EXOC6B: variants seen among roughly 807,000 people sequenced by gnomAD.
EXOC6B encodes SEC15 homolog B.
In EXOC6B, 54 loss-of-function variants were observed where a neutral mutation model predicts 113.5. The observed-to-expected ratio is 0.48, with a 90% CI of 0.38 to 0.60. The LOEUF is 0.60. Ranked by LOEUF, EXOC6B falls within the 20% of genes least tolerant of loss-of-function variation. The pLI, the probability that EXOC6B is intolerant of heterozygous loss-of-function variation, is 0.00. For synonymous variants in EXOC6B, 357 were observed against 339.0 expected, an observed-to-expected ratio of 1.05 and a Z score of -0.58; for missense variants, 797 against 977.5, an observed-to-expected ratio of 0.82 and a Z score of 2.46.
chr2:72,398,715 T>C (rs866569414), intron 18 of EXOC6B, among the ~76,000 whole-genome samples: 1 of 123,154 alleles, frequency 8.1e-6, no homozygotes, highest in African/African-American at 4.2e-5. Flanking sequence ...AAAAAAAAAC[T>C]GTCTCTCTGT....
chr2:72,559,564 T>A, intron 7 of EXOC6B, 43 bp from the exon 8 acceptor site: 1 of 1,538,398 alleles, frequency 6.5e-7, no homozygotes, highest in Non-Finnish European at 8.9e-7. Flanking sequence ...AACAAAGCTA[T>A]TAAAAGCAAC....
At chr2:72,750,434 T>C (rs1202623728) in intron 1 of EXOC6B, among the ~76,000 whole-genome samples, 2 of 152,134 alleles carry the variant, frequency 1.3e-5, no homozygotes, top group African/African-American at 2.4e-5. Flanking sequence ...TCTGACCTAA[T>C]GCTTCTATTT....
At chr2:72,736,715 AC>A (rs1680989980) in intron 2 of EXOC6B, among the ~76,000 whole-genome samples, 2 of 152,184 alleles carry the variant, frequency 1.3e-5, no homozygotes, top group African/African-American at 4.8e-5. Flanking sequence ...ATTCAGTACT[AC>A]CCTGCCAAGG....
intron 6 of EXOC6B, among the ~76,000 whole-genome samples, chr2:72,677,833 C>T (rs998471759): frequency 1.3e-5 from 2 of 152,098 alleles, no homozygotes; most frequent in Non-Finnish European, 2.9e-5. Flanking sequence ...CTCTTAACGA[C>T]ATACAACTCA....
At chr2:72,786,322 A>G (rs1285241355) in intron 1 of EXOC6B, among the ~76,000 whole-genome samples, 2 of 152,210 alleles carry the variant, frequency 1.3e-5, no homozygotes, top group African/African-American at 4.8e-5. Flanking sequence ...AAGTACAAAA[A>G]CTATACCATA....
intron 1 of EXOC6B, among the ~76,000 whole-genome samples, chr2:72,749,887 C>T (rs922039597): frequency 6.6e-6 from 1 of 151,776 alleles, no homozygotes; most frequent in Non-Finnish European, 1.5e-5. Context: ...CAAAATAGAC[C>T]ATGCAAGTTT....
At chr2:72,414,604 G>A (rs903831824) in intron 18 of EXOC6B, among the ~76,000 whole-genome samples, 4 of 152,154 alleles carry the variant, frequency 2.6e-5, no homozygotes, top group Non-Finnish European at 5.9e-5. Context: ...AGAAACAGAT[G>A]CACTCAGTGT....
At chr2:72,407,599 A>T (rs1693869059) in intron 18 of EXOC6B, among the ~76,000 whole-genome samples, 1 of 152,238 alleles carries the variant, frequency 6.6e-6, no homozygotes, top group African/African-American at 2.4e-5. Flanking sequence ...TATAAACAGA[A>T]CCAATGACAA....
intron 6 of EXOC6B, among the ~76,000 whole-genome samples, chr2:72,645,106 T>A (rs969071762): frequency 2.6e-5 from 4 of 151,554 alleles, no homozygotes; most frequent in African/African-American, 9.7e-5. Flanking sequence ...ACCAAGCAAA[T>A]GGAAAGCAAG....
chr2:72,610,950 A>G (rs964712921), intron 6 of EXOC6B, among the ~76,000 whole-genome samples: 5 of 152,208 alleles, frequency 3.3e-5, no homozygotes, highest in Admixed American at 2.0e-4. Context: ...CTGATGTGAT[A>G]TGATTAAAAG....
chr2:72,577,252 C>T (rs764736304), intron 6 of EXOC6B, among the ~76,000 whole-genome samples: 1 of 152,020 alleles, frequency 6.6e-6, no homozygotes, highest in Non-Finnish European at 1.5e-5. Context: ...ACATAAGACA[C>T]AATATCCTCC....
At chr2:72,729,206 G>A (rs1680488617) in intron 5 of EXOC6B, among the ~76,000 whole-genome samples, 1 of 151,878 alleles carries the variant, frequency 6.6e-6, no homozygotes, top group African/African-American at 2.4e-5. Flanking sequence ...TTATGATACT[G>A]GTTTCCTCAG....
At chr2:72,784,113 A>G (rs572550264) in intron 1 of EXOC6B, among the ~76,000 whole-genome samples, 1 of 152,142 alleles carries the variant, frequency 6.6e-6, no homozygotes, top group Non-Finnish European at 1.5e-5. Context: ...CCTTTCCCCA[A>G]TGTATGCTTT....
At chr2:72,196,727 G>C (rs1310864079) in intron 20 of EXOC6B, among the ~76,000 whole-genome samples, 1 of 152,176 alleles carries the variant, frequency 6.6e-6, no homozygotes, top group East Asian at 1.9e-4. Context: ...GATAGTTTCA[G>C]ACCTATAGTG....
At chr2:72,464,185 T>TC (rs1697890076) in intron 18 of EXOC6B, 1 of 152,084 alleles carries the variant, frequency 6.6e-6, no homozygotes, top group Non-Finnish European at 1.5e-5. Flanking sequence ...ACACTGACAA[T>TC]CCCCAACACT....
chr2:72,700,707 T>C (rs189597611), intron 6 of EXOC6B, among the ~76,000 whole-genome samples: 1 of 152,218 alleles, frequency 6.6e-6, no homozygotes, highest in African/African-American at 2.4e-5. Flanking sequence ...CTCACACCTG[T>C]AATGCCAGCA....
At position 72,821,270 on chromosome 2, in the gene EXOC6B, T is replaced by C. The variant is rs78062705; in HGVS notation, c.113+4528A>G. ...ACGGGAATGCAAATCAAAACTACAA[T>C]GAAATGCAACTTCACACCCACAAGG... is the stretch of plus-strand genomic sequence containing the variant. On this transcript the variant is annotated intron_variant, in intron 1 of 21. Coordinates refer to ENST00000272427, the MANE Select transcript of EXOC6B (RefSeq NM_015189.3). Among the ~76,000 whole-genome samples, 1,503 of 151,984 alleles carry C rather than the reference T, an allele frequency of 9.9e-3. 11 individuals are homozygous for C. Among genetic ancestry groups the C allele is most frequent in the Non-Finnish European group, 0.015 (1,024 of 67,926 alleles).
At chr2:72,542,003 TCA>T (rs1702632182) in intron 8 of EXOC6B, among the ~76,000 whole-genome samples, 2 of 152,164 alleles carry the variant, frequency 1.3e-5, no homozygotes, top group Non-Finnish European at 2.9e-5. Context: ...AAAAAGTATA[TCA>T]ACATTTCTTA....
chr2:72,468,800 T>C (rs570585243), intron 17 of EXOC6B, among the ~76,000 whole-genome samples: 1 of 152,216 alleles, frequency 6.6e-6, no homozygotes, highest in Non-Finnish European at 1.5e-5. Context: ...TCTTCAATTT[T>C]TTCTTCAATG....
Sources: allele counts gnomAD v4.1 joint callset (sites outside exome capture counted in the v4.1 genomes callset), GRCh38; gene constraint gnomAD v4.1.1; transcripts MANE v1.5; gene names NCBI Gene and HGNC (gene_info 2026-07-23, HGNC 2026-07-21).